FBN2: variants seen among roughly 807,000 people sequenced by gnomAD.
The protein encoded by FBN2 is fibrillin-2.
FBN2 carries 105 observed loss-of-function variants against 355.6 expected under a neutral mutation model. That is an observed-to-expected ratio of 0.30 (90% CI 0.25 to 0.35). The LOEUF (loss-of-function observed/expected upper bound fraction) is 0.35, where lower values mean the gene tolerates loss of function less well. FBN2 is among the 10% of genes least tolerant of loss of function. The pLI, the probability that FBN2 is intolerant of heterozygous loss-of-function variation, is 1.00. For missense variants in FBN2, 3,280 were observed against 3,758.7 expected (o/e 0.87, Z 3.33); for synonymous variants, 1,350 against 1,301.2 (o/e 1.04, Z -0.81).
intron 48 of FBN2, among the ~76,000 whole-genome samples, chr5:128,296,263 A>G (rs1395016096): frequency 6.6e-6 from 1 of 151,600 alleles, no homozygotes; most frequent in East Asian, 1.9e-4. Flanking sequence ...GGATTTTTGC[A>G]TCAATGTTCA....
At chr5:128,407,378 T>C (rs1181660518) in intron 8 of FBN2, among the ~76,000 whole-genome samples, 6 of 152,178 alleles carry the variant, frequency 3.9e-5, no homozygotes, top group Admixed American at 1.3e-4. Flanking sequence ...ATCCTCCTCC[T>C]CCTCTTAATA....
rs925898502 is a variant in FBN2 at position 128,259,378 on chromosome 5, A to G, written c.*77T>C. ...GTTATTATTATTTTTCCTCTTTAAA[A>G]TTAGTCCTTGACTTTTCAAATGCTT... On this transcript the variant is annotated 3_prime_UTR_variant, in exon 65 of 65. Coordinates refer to ENST00000262464, the MANE Select transcript of FBN2 (RefSeq NM_001999.4). 41 of 1,534,804 alleles carry G rather than the reference A, an allele frequency of 2.7e-5. 1 individual carries two copies. In the Admixed American group the frequency reaches 6.7e-4, roughly 25 times the overall value.
chr5:128,366,257 AATC>A (rs1457446614), intron 17 of FBN2, 117 bp downstream of exon 17: 2 of 501,100 alleles, frequency 4.0e-6, no homozygotes, highest in Non-Finnish European at 7.0e-6. Flanking sequence ...GGAGATAATT[AATC>A]TTATTATTTT....
chr5:128,474,452 C>T (rs1754955710), intron 5 of FBN2, among the ~76,000 whole-genome samples: 1 of 152,152 alleles, frequency 6.6e-6, no homozygotes, highest in Non-Finnish European at 1.5e-5. Context: ...GACACGTACT[C>T]AGAAAACATT....
intron 18 of FBN2, among the ~76,000 whole-genome samples, chr5:128,362,509 A>G (rs1399157911): frequency 1.3e-5 from 2 of 152,214 alleles, no homozygotes; most frequent in Non-Finnish European, 2.9e-5. Flanking sequence ...TGCCCTGGTT[A>G]TAGTGCACTG....
chr5:128,513,818 C>T (rs1372522748), intron 5 of FBN2, among the ~76,000 whole-genome samples: 1 of 152,144 alleles, frequency 6.6e-6, no homozygotes. Flanking sequence ...TTTTCTTCCA[C>T]TTCCCACTGT....
At chr5:128,389,078 G>A (rs368824556) in intron 11 of FBN2, among the ~76,000 whole-genome samples, 5 of 152,130 alleles carry the variant, frequency 3.3e-5, no homozygotes, top group Non-Finnish European at 7.4e-5. Flanking sequence ...TTGATTTAAA[G>A]AACAGTCTTT....
chr5:128,305,712 T>A, intron 43 of FBN2, 76 bp from the exon 44 acceptor site: 1 of 1,600,466 alleles, frequency 6.2e-7, no homozygotes, highest in East Asian at 2.2e-5. Flanking sequence ...CACACTTTGA[T>A]GATCAACTCT....
At chr5:128,424,724 A>T (rs186046029) in intron 7 of FBN2, among the ~76,000 whole-genome samples, 2 of 152,298 alleles carry the variant, frequency 1.3e-5, no homozygotes, top group African/African-American at 4.8e-5. Flanking sequence ...CTACTGCAGC[A>T]AAGTAATGAA....
chr5:128,260,253 G>A (rs1028677035), intron 64 of FBN2, among the ~76,000 whole-genome samples: 1 of 151,992 alleles, frequency 6.6e-6, no homozygotes, highest in Non-Finnish European at 1.5e-5. Flanking sequence ...CAGGGAATGC[G>A]CCCAGGGGAA....
chr5:128,330,888 T>A (rs978424040), intron 32 of FBN2, among the ~76,000 whole-genome samples, 193 bp from the exon 33 acceptor site: 1 of 152,236 alleles, frequency 6.6e-6, no homozygotes, highest in Non-Finnish European at 1.5e-5. Flanking sequence ...GCCAAAATTA[T>A]GAATTCAAGC....
At chr5:128,290,238 G>A (rs1313593246) in intron 50 of FBN2, among the ~76,000 whole-genome samples, 3 of 152,158 alleles carry the variant, frequency 2.0e-5, no homozygotes, top group African/African-American at 7.2e-5. Context: ...CCCTAACCCA[G>A]AGGCCAAGCC....
chr5:128,276,340 T>TAAATC (rs907805678), intron 58 of FBN2, among the ~76,000 whole-genome samples, 180 bp from the exon 59 acceptor site: 1 of 152,216 alleles, frequency 6.6e-6, no homozygotes, highest in Non-Finnish European at 1.5e-5. Flanking sequence ...GTTTACTTTG[T>TAAATC]AAATCAATCT....
chr5:128,371,816 A>C (rs1751953095), intron 15 of FBN2, among the ~76,000 whole-genome samples: 1 of 152,184 alleles, frequency 6.6e-6, no homozygotes, highest in African/African-American at 2.4e-5. Context: ...TACAGGTGTG[A>C]GCCACCATGC....
intron 34 of FBN2, among the ~76,000 whole-genome samples, chr5:128,321,818 T>C (rs985496598): frequency 3.7e-4 from 57 of 152,318 alleles, no homozygotes; most frequent in African/African-American, 1.3e-3. Context: ...AGTAATGGGA[T>C]TGCTGGGTCA....
intron 5 of FBN2, among the ~76,000 whole-genome samples, chr5:128,497,967 G>GAAAAGC (rs201684851): frequency 0.015 from 2,336 of 152,194 alleles, 62 homozygotes; most frequent in African/African-American, 0.052. Flanking sequence ...CTAGGAAAAG[G>GAAAAGC]AAAAGCAAAA....
At chr5:128,435,988 T>G (rs960751391) in intron 7 of FBN2, among the ~76,000 whole-genome samples, 4 of 152,214 alleles carry the variant, frequency 2.6e-5, no homozygotes, top group Non-Finnish European at 5.9e-5. Context: ...CAACTTTCCA[T>G]GTAAACAGTT....
chr5:128,331,682 G>C (rs551606904), intron 32 of FBN2, among the ~76,000 whole-genome samples: 1 of 152,136 alleles, frequency 6.6e-6, no homozygotes, highest in African/African-American at 2.4e-5. Flanking sequence ...CAGCAGACAC[G>C]AAGAGCGAGG....
chr5:128,280,531 C>G (rs989801358), intron 55 of FBN2, among the ~76,000 whole-genome samples: 15 of 151,934 alleles, frequency 9.9e-5, no homozygotes, highest in African/African-American at 3.6e-4. Context: ...CTTCTTCTTT[C>G]TTTTCTTTAT....
Sources: allele counts gnomAD v4.1 joint callset (sites outside exome capture counted in the v4.1 genomes callset), GRCh38; gene constraint gnomAD v4.1.1; transcripts MANE v1.5; gene names NCBI Gene and HGNC (gene_info 2026-07-23, HGNC 2026-07-21).